SLC4A4: variants seen among roughly 807,000 people sequenced by gnomAD.
SLC4A4 encodes the protein electrogenic sodium bicarbonate cotransporter 1.
Under a neutral mutation model 111.5 loss-of-function variants are expected in SLC4A4, and 27 were observed. The ratio of observed to expected loss-of-function variants is 0.24; its 90% CI spans 0.18 to 0.33. The LOEUF (loss-of-function observed/expected upper bound fraction) is 0.33, where lower values mean the gene tolerates loss of function less well. Ranked by LOEUF, SLC4A4 falls within the 10% of genes least tolerant of loss-of-function variation. SLC4A4 has a pLI of 1.00. For synonymous variants in SLC4A4, 443 were observed against 463.4 expected (o/e 0.96, Z 0.57); for missense variants, 909 against 1,315.5 (o/e 0.69, Z 4.78).
chr4:71,238,788 C>T (rs1282552659), intron 2 of SLC4A4, among the ~76,000 whole-genome samples: 1 of 151,966 alleles, frequency 6.6e-6, no homozygotes, highest in Non-Finnish European at 1.5e-5. Flanking sequence ...CCCAATTGAC[C>T]CTCCCCCTTT....
intron 2 of SLC4A4, among the ~76,000 whole-genome samples, chr4:71,126,472 G>A (rs556412625): frequency 2.0e-5 from 3 of 152,078 alleles, no homozygotes; most frequent in Admixed American, 6.5e-5. Flanking sequence ...GATTTCACCA[G>A]GACAAGATAA....
At chr4:71,262,973 A>G (rs1299420319) in intron 3 of SLC4A4, among the ~76,000 whole-genome samples, 4 of 150,984 alleles carry the variant, frequency 2.6e-5, no homozygotes, top group Admixed American at 6.6e-5. Flanking sequence ...TTAACTCATC[A>G]TTTAACATTA....
intron 1 of SLC4A4, chr4:71,236,365 G>C: frequency 7.0e-6 from 6 of 861,710 alleles, no homozygotes; most frequent in Non-Finnish European, 8.3e-6. Flanking sequence ...CCCTCTCAAG[G>C]TTAGAACTGA....
chr4:71,236,799 A>G (rs1188151865), intron 2 of SLC4A4, 150 bp downstream of exon 2: 2 of 704,826 alleles, frequency 2.8e-6, no homozygotes, highest in African/African-American at 3.6e-5. Flanking sequence ...TTGCTTCAAC[A>G]CAGAAAGTAA....
rs569459462 is a variant in SLC4A4, at chr4:71,206,321, C to A, written c.-2+18920C>A. On this transcript the variant is annotated intron_variant, in intron 1 of 25. Coordinates refer to ENST00000264485, the MANE Select transcript of SLC4A4 (RefSeq NM_001098484.3). Reference sequence around the variant, plus strand: ...TGTTGGTCTTTGAGGTGTGAGTGTTCAATAATCTCATGAAACTATAGCCAC... The same window carrying A: ...TGTTGGTCTTTGAGGTGTGAGTGTTAAATAATCTCATGAAACTATAGCCAC... 7.9e-5 allele frequency among the ~76,000 whole-genome samples: 12 copies of A among 152,184 alleles called. No individual in the cohort carries two copies. In the South Asian group the frequency reaches 2.5e-3, roughly 32 times the overall value.
In SLC4A4 at chr4:71,386,135, A is replaced by G. The variant is rs74910511; in HGVS notation, c.731-11442A>G. Among the ~76,000 whole-genome samples the G allele has an allele frequency of 4.0e-5, 6 of 151,668 alleles. No individual in the cohort carries two copies. In the East Asian group the frequency reaches 1.2e-3, roughly 29 times the overall value. On this transcript the variant is annotated intron_variant, in intron 6 of 25. Transcript: ENST00000264485. ...TCCAGTCCTTTGAAATCATGTTCCC[A>G]TTATCTTCTACCATTCTGTTTTGCT... is the stretch of plus-strand genomic sequence containing the variant.
intron 1 of SLC4A4, among the ~76,000 whole-genome samples, chr4:71,071,719 A>G (rs1741669516): frequency 6.6e-6 from 1 of 152,146 alleles, no homozygotes; most frequent in Admixed American, 6.5e-5. Context: ...ATTTAACTCT[A>G]CTATCTTGAA....
chr4:71,227,583 G>A (rs1719133643), intron 1 of SLC4A4, among the ~76,000 whole-genome samples: 1 of 152,154 alleles, frequency 6.6e-6, no homozygotes, highest in African/African-American at 2.4e-5. Flanking sequence ...TCCCGTGATT[G>A]TCCTGTGGGG....
intron 1 of SLC4A4, among the ~76,000 whole-genome samples, chr4:71,210,243 AC>A (rs1256013734): frequency 6.6e-6 from 1 of 151,984 alleles, no homozygotes; most frequent in African/African-American, 2.4e-5. Context: ...AGGAGCTGCA[AC>A]CCCCTGTGTA....
chr4:71,066,101 T>C (rs1741510281), intron 1 of SLC4A4, among the ~76,000 whole-genome samples: 1 of 152,194 alleles, frequency 6.6e-6, no homozygotes, highest in Non-Finnish European at 1.5e-5. Context: ...TGTCATTTAC[T>C]GGATGTCTTG....
chr4:71,546,412 C>T lies in SLC4A4; in HGVS notation c.2505C>T (p.Leu835=). 6.2e-7 allele frequency: 1 copy of T among 1,612,902 alleles called. No individual in the cohort carries two copies. Among genetic ancestry groups the T allele is most frequent in the Non-Finnish European group, 8.5e-7 (1 of 1,179,136 alleles). ...WVAILMVICS[L]MALPWYVAAT... The stretch of plus-strand genomic sequence containing the variant: ...CCATCCTCATGGTTATATGCTCCCT[C>T]ATGGCTCTTCCGTGGTATGTAGCTG... The change falls in exon 19 of 26, where the codon CTC becomes CTT. Residue 835 remains leucine, a synonymous_variant. Transcript: ENST00000264485.
At chr4:71,257,948 AC>A (rs576516041) in intron 3 of SLC4A4, among the ~76,000 whole-genome samples, 110 of 152,330 alleles carry the variant, frequency 7.2e-4, no homozygotes, top group African/African-American at 2.6e-3. Flanking sequence ...TTTTGCGGTC[AC>A]ATTTTTGTCC....
intron 2 of SLC4A4, among the ~76,000 whole-genome samples, chr4:71,139,011 G>C (rs952190162): frequency 6.8e-6 from 1 of 146,646 alleles, no homozygotes; most frequent in Non-Finnish European, 1.5e-5. Flanking sequence ...ACTCCAGCCT[G>C]GGCGACAGAG....
At position 71,314,228 on chromosome 4, in the gene SLC4A4, C is replaced by G. The variant is rs963370637; in HGVS notation, c.254-25142C>G. Reference sequence around the variant, plus strand: ...AATCAAAATCACAATGAGATACCATCTCATGCCAGTTAGAATGGTGATCAC... The same window carrying G: ...AATCAAAATCACAATGAGATACCATGTCATGCCAGTTAGAATGGTGATCAC... On this transcript the variant is annotated intron_variant, in intron 3 of 25. Coordinates refer to ENST00000264485, the MANE Select transcript of SLC4A4 (RefSeq NM_001098484.3). Among the ~76,000 whole-genome samples the G allele has an allele frequency of 2.6e-5, 4 of 152,302 alleles. No individual in the cohort carries two copies. In the East Asian group the frequency reaches 7.7e-4, roughly 29 times the overall value.
At chr4:71,145,883 C>G (rs1376370231) in intron 2 of SLC4A4, among the ~76,000 whole-genome samples, 1 of 152,072 alleles carries the variant, frequency 6.6e-6, no homozygotes, top group Non-Finnish European at 1.5e-5. Flanking sequence ...TTTTGTTGAT[C>G]TTTTCAAAAA....
chr4:71,349,729 A>G (rs564368579), intron 4 of SLC4A4, among the ~76,000 whole-genome samples, 183 bp from the exon 5 acceptor site: 1 of 152,290 alleles, frequency 6.6e-6, no homozygotes, highest in South Asian at 2.1e-4. Flanking sequence ...GGAGCAGTCT[A>G]GTGCTTCTCT....
In SLC4A4 at chr4:71,252,319, C is replaced by A. The variant is rs549654921; in HGVS notation, c.74-2901C>A. 2.6e-5 allele frequency among the ~76,000 whole-genome samples: 4 copies of A among 152,202 alleles called. No individual in the cohort carries two copies. The South Asian group carries it at 8.3e-4, about 32-fold the overall frequency. ...TTTGAGACAGCATGTCTGTATTACC[C>A]CATCCACCAAAGCAAGGCTATCTTG... On this transcript the variant is annotated intron_variant, in intron 2 of 25. Coordinates refer to ENST00000264485, the MANE Select transcript of SLC4A4 (RefSeq NM_001098484.3).
chr4:71,316,859 C>G (rs538666169), intron 3 of SLC4A4, among the ~76,000 whole-genome samples: 61 of 152,194 alleles, frequency 4.0e-4, no homozygotes, highest in Middle Eastern at 6.8e-3. Context: ...TGAGCTCCAT[C>G]CATGTCCCTG....
intron 1 of SLC4A4, among the ~76,000 whole-genome samples, chr4:71,208,410 G>A (rs917072232): frequency 1.0e-4 from 15 of 146,560 alleles, no homozygotes; most frequent in Non-Finnish European, 2.1e-4. Context: ...CAGCCTGGGC[G>A]ACAGGGTGAG....
Sources: allele counts gnomAD v4.1 joint callset (sites outside exome capture counted in the v4.1 genomes callset), GRCh38; gene constraint gnomAD v4.1.1; transcripts MANE v1.5; gene names NCBI Gene and HGNC (gene_info 2026-07-23, HGNC 2026-07-21).